The following XKR4 variants were observed in gnomAD, a reference collection of about 807,000 sequenced individuals.
XKR4 encodes the protein XK-related protein 4.
XKR4 carries 12 observed loss-of-function variants against 53.9 expected under a neutral mutation model. The observed-to-expected ratio is 0.22, with a 90% CI of 0.14 to 0.36. XKR4 has a LOEUF of 0.36. Ranked by LOEUF, XKR4 falls within the 10% of genes least tolerant of loss-of-function variation. The pLI, the probability that XKR4 is intolerant of heterozygous loss-of-function variation, is 1.00. For synonymous variants in XKR4, 354 were observed against 362.4 expected (o/e 0.98, Z 0.26); for missense variants, 799 against 859.5 (o/e 0.93, Z 0.88).
intron 1 of XKR4, among the ~76,000 whole-genome samples, chr8:55,326,898 G>A (rs1803303044): frequency 6.6e-6 from 1 of 151,782 alleles, no homozygotes; most frequent in African/African-American, 2.4e-5. Flanking sequence ...AAAGAAGCCA[G>A]AAAATAAATG....
chr8:55,351,542 G>A (rs965228509), intron 1 of XKR4, among the ~76,000 whole-genome samples: 1 of 152,206 alleles, frequency 6.6e-6, no homozygotes, highest in Non-Finnish European at 1.5e-5. Context: ...AAGTAGCTCA[G>A]GGAGGCATTT....
At chr8:55,509,441 G>A (rs1472667530) in intron 2 of XKR4, among the ~76,000 whole-genome samples, 1 of 152,108 alleles carries the variant, frequency 6.6e-6, no homozygotes, top group Non-Finnish European at 1.5e-5. Context: ...AACATGCAAT[G>A]ATTTAGGTCA....
chr8:55,120,489 T>C (rs1018657715), intron 1 of XKR4, among the ~76,000 whole-genome samples: 2 of 134,012 alleles, frequency 1.5e-5, no homozygotes, highest in African/African-American at 5.0e-5. Context: ...GAACATGGGT[T>C]AGAAACTGCT....
chr8:55,535,723 C>A lies in XKR4; in HGVS notation c.*11496C>A, dbSNP rs910376462. ...CCATAGTATTTGCCTTTTCACAGAG[C>A]AGAGAAGTTCAAAATAGTCACAGCC... On this transcript the variant is annotated 3_prime_UTR_variant, in exon 3 of 3. Coordinates refer to ENST00000327381, the MANE Select transcript of XKR4 (RefSeq NM_052898.2). 5 of 152,116 alleles carry A rather than the reference C, an allele frequency of 3.3e-5. No individual in the cohort carries two copies. Among genetic ancestry groups the A allele is most frequent in the African/African-American group, 1.2e-4 (5 of 41,392 alleles). The allele number at this position is 152,116 out of a possible 1,614,324, so 9.4% of individuals were successfully genotyped here.
intron 1 of XKR4, among the ~76,000 whole-genome samples, chr8:55,145,868 A>G (rs2047040948): frequency 6.6e-6 from 1 of 151,952 alleles, no homozygotes; most frequent in African/African-American, 2.4e-5. Flanking sequence ...CCAGTATCTC[A>G]TGGGGAGATT....
chr8:55,177,322 C>T (rs2129359265), intron 1 of XKR4, among the ~76,000 whole-genome samples: 1 of 152,212 alleles, frequency 6.6e-6, no homozygotes, highest in East Asian at 1.9e-4. Flanking sequence ...CAGGCGTGAG[C>T]CACCATGCCT....
chr8:55,476,249 G>A (rs1008421495), intron 2 of XKR4, among the ~76,000 whole-genome samples: 2 of 152,030 alleles, frequency 1.3e-5, no homozygotes, highest in Non-Finnish European at 2.9e-5. Context: ...ACCCAGTCAT[G>A]TGTGACATGA....
intron 2 of XKR4, among the ~76,000 whole-genome samples, chr8:55,459,469 C>T (rs1294415562): frequency 6.6e-6 from 1 of 151,772 alleles, no homozygotes; most frequent in Non-Finnish European, 1.5e-5. Flanking sequence ...TTTCAAATGC[C>T]AACTTTAGAA....
At chr8:55,227,774 G>A (rs79916638) in intron 1 of XKR4, among the ~76,000 whole-genome samples, 2,009 of 152,306 alleles carry the variant, frequency 0.013, 40 homozygotes, top group East Asian at 0.041. Flanking sequence ...TGTGTGAGTG[G>A]GACATTCAAT....
At chr8:55,260,430 C>T (rs1818507073) in intron 1 of XKR4, among the ~76,000 whole-genome samples, 1 of 152,140 alleles carries the variant, frequency 6.6e-6, no homozygotes, top group Non-Finnish European at 1.5e-5. Flanking sequence ...GTATTTCCAC[C>T]ACCCTACTGA....
intron 2 of XKR4, among the ~76,000 whole-genome samples, chr8:55,470,998 T>C (rs1219223830): frequency 1.3e-5 from 2 of 152,098 alleles, no homozygotes; most frequent in Non-Finnish European, 2.9e-5. Context: ...AAAGAAGAAA[T>C]GTGAATAGAC....
intron 1 of XKR4, among the ~76,000 whole-genome samples, chr8:55,336,534 A>G (rs1036205074): frequency 2.6e-5 from 4 of 152,172 alleles, no homozygotes; most frequent in African/African-American, 9.7e-5. Context: ...TCATTGTGCT[A>G]TGGTTATGTA....
chr8:55,236,639 C>T (rs1004116778), intron 1 of XKR4, among the ~76,000 whole-genome samples: 4 of 152,174 alleles, frequency 2.6e-5, no homozygotes, highest in African/African-American at 9.7e-5. Context: ...AGACCTCTGT[C>T]ATCACACCTG....
At chr8:55,169,047 C>T (rs149172303) in intron 1 of XKR4, among the ~76,000 whole-genome samples, 1,534 of 152,114 alleles carry the variant, frequency 0.01, 31 homozygotes, top group African/African-American at 0.034. Flanking sequence ...ACTTTCTGGT[C>T]CAATTTTTAT....
At chr8:55,494,035 T>A (rs191297307) in intron 2 of XKR4, among the ~76,000 whole-genome samples, 8 of 152,374 alleles carry the variant, frequency 5.3e-5, no homozygotes, top group Admixed American at 3.9e-4. Context: ...ATTTGGCCTG[T>A]CAGGCTGCGT....
intron 1 of XKR4, among the ~76,000 whole-genome samples, chr8:55,194,209 T>C (rs995459228): frequency 6.6e-6 from 1 of 152,140 alleles, no homozygotes; most frequent in Non-Finnish European, 1.5e-5. Flanking sequence ...TCCTGCAAAT[T>C]GAGAGTGTGG....
chr8:55,370,045 G>A (rs1360042057), intron 2 of XKR4, among the ~76,000 whole-genome samples: 1 of 152,128 alleles, frequency 6.6e-6, no homozygotes, highest in African/African-American at 2.4e-5. Flanking sequence ...GGGTGAAAGA[G>A]CGAGACCCCC....
chr8:55,510,452 CA>C (rs1158553896), intron 2 of XKR4, among the ~76,000 whole-genome samples: 1 of 152,130 alleles, frequency 6.6e-6, no homozygotes, highest in African/African-American at 2.4e-5. Flanking sequence ...ATAGACAGTT[CA>C]TTTTAATTAC....
At chr8:55,299,448 G>A (rs768004631) in intron 1 of XKR4, among the ~76,000 whole-genome samples, 1 of 152,172 alleles carries the variant, frequency 6.6e-6, no homozygotes, top group Admixed American at 6.6e-5. Flanking sequence ...TTTAGACCGT[G>A]AACTTGATTC....
Sources: gnomAD v4.1 joint callset for allele counts (sites outside exome capture counted in the v4.1 genomes callset) on GRCh38, gnomAD v4.1.1 for gene constraint, MANE v1.5 for transcripts, NCBI Gene and HGNC (gene_info 2026-07-23, HGNC 2026-07-21) for gene names.